TEX11: variants seen among roughly 807,000 people sequenced by gnomAD.
TEX11 encodes the protein testis-expressed protein 11.
In TEX11, 7 loss-of-function variants were observed where a neutral mutation model predicts 84.4. The observed-to-expected ratio is 0.08, with a 90% CI of 0.05 to 0.16. TEX11 has a LOEUF of 0.16. Among genes scored for constraint, TEX11 ranks in the 10% least tolerant of loss-of-function variants. TEX11 has a pLI of 1.00. For missense variants in TEX11, 551 were observed against 660.5 expected (o/e 0.83, Z 1.82); for synonymous variants, 264 against 222.8 (o/e 1.18, Z -1.64).
the TEX11 span, among the ~76,000 whole-genome samples, chrX:70,516,605 C>CA: frequency 9.0e-6 from 1 of 111,601 alleles, no homozygotes; most frequent in Admixed American, 9.6e-5. Flanking sequence ...GCAATGCGGG[C>CA]TCTTTTTTGG....
chrX:70,790,311 A>G (rs749701676), intron 9 of TEX11, among the ~76,000 whole-genome samples: 3 of 111,657 alleles, frequency 2.7e-5, no homozygotes, highest in Non-Finnish European at 5.6e-5. Context: ...CAACACAGAC[A>G]CTGACTTGGA....
intron 8 of TEX11, among the ~76,000 whole-genome samples, chrX:70,833,138 C>A (rs770030542): frequency 9.2e-6 from 1 of 108,728 alleles, no homozygotes; most frequent in Non-Finnish European, 1.9e-5. Flanking sequence ...GGTGTGGTGG[C>A]GCAGGCCTGT....
intron 24 of TEX11, among the ~76,000 whole-genome samples, chrX:70,595,891 A>G (rs1328794098): frequency 9.0e-6 from 1 of 111,396 alleles, no homozygotes; most frequent in East Asian, 2.8e-4. Context: ...CAAGAGACAC[A>G]TATTAGGTTC....
At chrX:70,823,548 T>G (rs959085103) in intron 8 of TEX11, among the ~76,000 whole-genome samples, 9 of 111,269 alleles carry the variant, frequency 8.1e-5, no homozygotes, top group African/African-American at 2.9e-4. Context: ...TATTTGTCAA[T>G]TCTACCAAAA....
At chrX:70,751,073 C>A (rs1439703240) in intron 9 of TEX11, among the ~76,000 whole-genome samples, 2 of 102,279 alleles carry the variant, frequency 2.0e-5, no homozygotes, top group Non-Finnish European at 4.0e-5. Flanking sequence ...GACAGTGTGG[C>A]GATACCTCAA....
At chrX:70,744,088 A>G in intron 10 of TEX11, 77 bp downstream of exon 10, 1 of 565,223 alleles carries the variant, frequency 1.8e-6, no homozygotes, top group Non-Finnish European at 2.5e-6. Context: ...AATGGGGAGT[A>G]CGCTATTATA....
At chrX:70,850,593 AAT>A (rs1289032891) in intron 7 of TEX11, among the ~76,000 whole-genome samples, 50 of 104,270 alleles carry the variant, frequency 4.8e-4, no homozygotes, top group African/African-American at 1.8e-3. Flanking sequence ...AAAAAAAAAA[AAT>A]GTTTATTTAA....
At chrX:70,653,476 A>G (rs1409787664) in intron 16 of TEX11, among the ~76,000 whole-genome samples, 2 of 112,439 alleles carry the variant, frequency 1.8e-5, no homozygotes, top group South Asian at 7.3e-4. Flanking sequence ...TTGCAAATTA[A>G]AACAGCAATG....
chrX:70,662,020 A>G lies in TEX11; in HGVS notation c.1380+8357T>C, dbSNP rs150719623. 1.8e-3 allele frequency among the ~76,000 whole-genome samples: 207 copies of G among 112,442 alleles called. 3 individuals are homozygous for G. In the East Asian group the frequency reaches 0.044, roughly 24 times the overall value. On this transcript the variant is annotated intron_variant, in intron 16 of 29. Transcript: ENST00000374333. ...GCAACGGAACAAAGCTGGATAGAGAATGACTTTGACGAGTTGAGAGAAGGC... is the reference window on the plus strand; with the variant it reads ...GCAACGGAACAAAGCTGGATAGAGAGTGACTTTGACGAGTTGAGAGAAGGC...
chrX:70,801,703 G>T (rs1268655436), intron 9 of TEX11, among the ~76,000 whole-genome samples: 2 of 98,075 alleles, frequency 2.0e-5, no homozygotes, highest in African/African-American at 7.7e-5. Flanking sequence ...TTTCTTAAAA[G>T]GAGATCTAGT....
At chrX:70,843,005 C>G (rs1602175251) in intron 7 of TEX11, among the ~76,000 whole-genome samples, 2 of 111,960 alleles carry the variant, frequency 1.8e-5, no homozygotes, top group African/African-American at 6.5e-5. Flanking sequence ...GAAGAACATT[C>G]CATGCTCATG....
At chrX:70,877,298 A>AAAAAAC (rs1247969415) in intron 3 of TEX11, among the ~76,000 whole-genome samples, 3 of 110,594 alleles carry the variant, frequency 2.7e-5, no homozygotes, top group Non-Finnish European at 3.8e-5. Flanking sequence ...TCTTAAAAAA[A>AAAAAAC]AAAAACAAAA....
intron 8 of TEX11, among the ~76,000 whole-genome samples, chrX:70,830,434 C>G (rs1284753495): frequency 9.0e-6 from 1 of 111,425 alleles, no homozygotes; most frequent in Non-Finnish European, 1.9e-5. Context: ...ATGACCCCCA[C>G]AGGTGACAAA....
chrX:70,866,756 A>T (rs1400720919), intron 4 of TEX11, among the ~76,000 whole-genome samples: 11 of 112,319 alleles, frequency 9.8e-5, no homozygotes, highest in Non-Finnish European at 1.3e-4. Context: ...CAAATCAGTA[A>T]ACGTAATCCG....
At chrX:70,894,090 C>T (rs2091753796) in intron 2 of TEX11, among the ~76,000 whole-genome samples, 1 of 110,932 alleles carries the variant, frequency 9.0e-6, no homozygotes, top group Non-Finnish European at 1.9e-5. Context: ...AATAGCCTAG[C>T]AACCAAAAAA....
At chrX:70,601,206 A>C (rs2089101850) in intron 24 of TEX11, among the ~76,000 whole-genome samples, 1 of 66,942 alleles carries the variant, frequency 1.5e-5, no homozygotes, top group African/African-American at 5.3e-5. Context: ...ATCCCACAGA[A>C]ATACAAACTA....
intron 16 of TEX11, among the ~76,000 whole-genome samples, chrX:70,654,289 G>A (rs1472233881): frequency 3.6e-5 from 4 of 111,786 alleles, no homozygotes; most frequent in Non-Finnish European, 7.5e-5. Flanking sequence ...GGGGGTATAT[G>A]AAAACTCTCT....
At chrX:70,884,990 A>C (rs1336798258) in intron 2 of TEX11, among the ~76,000 whole-genome samples, 1 of 111,466 alleles carries the variant, frequency 9.0e-6, no homozygotes, top group Admixed American at 9.6e-5. Context: ...TTTGAGGCTC[A>C]GATGGGTCCG....
At chrX:70,644,228 T>C (rs1486345185) in intron 17 of TEX11, among the ~76,000 whole-genome samples, 1 of 103,643 alleles carries the variant, frequency 9.6e-6, no homozygotes, top group Non-Finnish European at 2.0e-5. Flanking sequence ...TGAGATACCA[T>C]CTCACACCAG....
Sources: gnomAD v4.1 joint callset for allele counts (sites outside exome capture counted in the v4.1 genomes callset) on GRCh38, gnomAD v4.1.1 for gene constraint, MANE v1.5 for transcripts, NCBI Gene and HGNC (gene_info 2026-07-23, HGNC 2026-07-21) for gene names.